SIPA1L1: variants seen among roughly 807,000 people sequenced by gnomAD.
SIPA1L1 encodes the protein signal-induced proliferation-associated 1-like protein 1.
SIPA1L1 carries 26 observed loss-of-function variants against 162.7 expected under a neutral mutation model. That is an observed-to-expected ratio of 0.16 (90% CI 0.12 to 0.22). The LOEUF (loss-of-function observed/expected upper bound fraction) is 0.22, where lower values mean the gene tolerates loss of function less well. Ranked by LOEUF, SIPA1L1 falls within the 10% of genes least tolerant of loss-of-function variation. The probability of loss-of-function intolerance (pLI) is 1.00; values close to 1 mark genes in which losing one functional copy is unlikely to be tolerated. For missense variants in SIPA1L1, 1,874 were observed against 2,241.0 expected, an observed-to-expected ratio of 0.84 and a Z score of 3.31; for synonymous variants, 829 against 837.4, an observed-to-expected ratio of 0.99 and a Z score of 0.17.
At chr14:71,701,184 G>A (rs1370897658) in intron 14 of SIPA1L1, among the ~76,000 whole-genome samples, 1 of 152,032 alleles carries the variant, frequency 6.6e-6, no homozygotes, top group Non-Finnish European at 1.5e-5. Context: ...ATTGGATGGG[G>A]GTTGGAACTT....
chr14:71,707,426 A>G (rs929796489), intron 16 of SIPA1L1, among the ~76,000 whole-genome samples: 11 of 152,136 alleles, frequency 7.2e-5, no homozygotes, highest in African/African-American at 2.4e-4. Flanking sequence ...TCCGGCCAGC[A>G]CTGCTTGATT....
At chr14:71,397,039 C>T (rs748614437) in intron 2 of SIPA1L1, among the ~76,000 whole-genome samples, 3 of 152,042 alleles carry the variant, frequency 2.0e-5, no homozygotes, top group Non-Finnish European at 2.9e-5. Flanking sequence ...TTTCTAGGAC[C>T]GGCCTCTGTG....
At chr14:71,481,935 A>G (rs2048383063) in intron 2 of SIPA1L1, among the ~76,000 whole-genome samples, 1 of 152,270 alleles carries the variant, frequency 6.6e-6, no homozygotes, top group East Asian at 1.9e-4. Flanking sequence ...ATCCTATGAC[A>G]TCTCTTTATA....
At chr14:71,540,628 A>G (rs1056247629) in intron 4 of SIPA1L1, among the ~76,000 whole-genome samples, 1 of 152,240 alleles carries the variant, frequency 6.6e-6, no homozygotes, top group African/African-American at 2.4e-5. Context: ...TCTTTGCTGA[A>G]TGAGAAAAAG....
chr14:71,326,516 T>A (rs2033822785), intron 2 of SIPA1L1, among the ~76,000 whole-genome samples: 1 of 151,568 alleles, frequency 6.6e-6, no homozygotes, highest in Non-Finnish European at 1.5e-5. Flanking sequence ...GCCGACTTGC[T>A]TCTTTTTATA....
chr14:71,327,116 CTT>C (rs201431185), intron 2 of SIPA1L1, among the ~76,000 whole-genome samples: 2,425 of 122,248 alleles, frequency 0.02, 30 homozygotes, highest in African/African-American at 0.029. Flanking sequence ...AGTTTTTGCT[CTT>C]GTCATGCAGG....
chr14:71,399,119 A>G (rs899291237), intron 2 of SIPA1L1, among the ~76,000 whole-genome samples: 1 of 152,090 alleles, frequency 6.6e-6, no homozygotes, highest in East Asian at 1.9e-4. Flanking sequence ...GTCATTTAGG[A>G]CTGACCACTA....
chr14:71,364,780 G>A (rs1033656039), intron 2 of SIPA1L1, among the ~76,000 whole-genome samples: 1 of 150,170 alleles, frequency 6.7e-6, no homozygotes, highest in Non-Finnish European at 1.5e-5. Flanking sequence ...GAGTCTCACT[G>A]TGTAGCCAAG....
intron 8 of SIPA1L1, among the ~76,000 whole-genome samples, chr14:71,654,760 A>T (rs2042918643): frequency 6.6e-6 from 1 of 152,182 alleles, no homozygotes; most frequent in Non-Finnish European, 1.5e-5. Flanking sequence ...AAGTAGCATC[A>T]TTCTTTCATC....
chr14:71,581,783 G>A (rs1397397088), intron 4 of SIPA1L1, among the ~76,000 whole-genome samples: 1 of 152,050 alleles, frequency 6.6e-6, no homozygotes, highest in East Asian at 1.9e-4. Context: ...TGAGCTTTTG[G>A]TTTGTTTTCC....
chr14:71,391,279 G>T (rs923439061), intron 2 of SIPA1L1, among the ~76,000 whole-genome samples: 3 of 151,874 alleles, frequency 2.0e-5, no homozygotes. Context: ...CTAATTTTTT[G>T]TATTTTTAGT....
chr14:71,520,852 A>C (rs1035452147), intron 3 of SIPA1L1, among the ~76,000 whole-genome samples: 3 of 152,208 alleles, frequency 2.0e-5, no homozygotes, highest in African/African-American at 7.2e-5. Flanking sequence ...TCCCAGGCTC[A>C]GGTGATCCTC....
chr14:71,490,299 G>A (rs1323339641), intron 2 of SIPA1L1, among the ~76,000 whole-genome samples: 2 of 151,910 alleles, frequency 1.3e-5, no homozygotes, highest in African/African-American at 2.4e-5. Flanking sequence ...TTATTTCTGG[G>A]CACCACTTTT....
At chr14:71,550,189 G>T (rs902792531) in intron 4 of SIPA1L1, among the ~76,000 whole-genome samples, 2 of 152,178 alleles carry the variant, frequency 1.3e-5, no homozygotes, top group Non-Finnish European at 2.9e-5. Flanking sequence ...GAAGTTTGTT[G>T]CAGTGAGTTG....
At chr14:71,586,816 G>A (rs567783887) in intron 4 of SIPA1L1, 1 of 152,154 alleles carries the variant, frequency 6.6e-6, no homozygotes, top group Non-Finnish European at 1.5e-5. Context: ...GGAAATGCAG[G>A]CATTTTGTTC....
chr14:71,584,818 C>T (rs1422465916), intron 4 of SIPA1L1, among the ~76,000 whole-genome samples: 1 of 152,150 alleles, frequency 6.6e-6, no homozygotes, highest in Non-Finnish European at 1.5e-5. Context: ...GCTCTTTCAA[C>T]AGATGGAGGT....
At position 71,544,506 on chromosome 14, in the gene SIPA1L1, G is replaced by A. The variant is rs73302920; in HGVS notation, c.-303+15136G>A. On this transcript the variant is annotated intron_variant, in intron 4 of 23. Coordinates refer to ENST00000381232, the MANE Select transcript of SIPA1L1 (RefSeq NM_001386936.1). ...TTCTTGAGTTTTTTTCATGGTTAAC[G>A]CTGTACTATGTGTTACCTAAGAAAT... Among the ~76,000 whole-genome samples, 552 of 151,962 alleles carry A rather than the reference G, an allele frequency of 3.6e-3. 3 individuals carry two copies. Among genetic ancestry groups the A allele is most frequent in the African/African-American group, 0.013 (525 of 41,466 alleles).
intron 2 of SIPA1L1, among the ~76,000 whole-genome samples, chr14:71,434,451 T>G (rs1431865591): frequency 1.3e-5 from 2 of 152,352 alleles, no homozygotes; most frequent in East Asian, 3.9e-4. Flanking sequence ...TGGAATAATA[T>G]TCCAAGGTAA....
chr14:71,464,222 A>G (rs2046814620), intron 2 of SIPA1L1, among the ~76,000 whole-genome samples: 1 of 152,150 alleles, frequency 6.6e-6, no homozygotes, highest in Non-Finnish European at 1.5e-5. Context: ...CCCTTCCTCT[A>G]CATCAAACCA....
Sources: allele counts gnomAD v4.1 joint callset (sites outside exome capture counted in the v4.1 genomes callset), GRCh38; gene constraint gnomAD v4.1.1; transcripts MANE v1.5; gene names NCBI Gene and HGNC (gene_info 2026-07-23, HGNC 2026-07-21).